Variants in CCDC7 observed in about 807,000 individuals in gnomAD.
CCDC7 encodes the protein coiled-coil domain-containing protein 7.
Under a neutral mutation model 196.9 loss-of-function variants are expected in CCDC7, and 183 were observed. The ratio of observed to expected loss-of-function variants is 0.93; its 90% confidence interval spans 0.82 to 1.05. The LOEUF is 1.05. CCDC7 is among the 50% of genes least tolerant of loss of function. The pLI is 0.00. For missense variants in CCDC7, 1,540 were observed against 1,482.2 expected, an observed-to-expected ratio of 1.04 and a Z score of -0.64; for synonymous variants, 525 against 484.6, an observed-to-expected ratio of 1.08 and a Z score of -1.10.
At chr10:32,820,268 C>A (rs1565607043) in intron 31 of CCDC7, among the ~76,000 whole-genome samples, 1 of 152,130 alleles carries the variant, frequency 6.6e-6, no homozygotes, top group Non-Finnish European at 1.5e-5. Flanking sequence ...ACAGGAAGGA[C>A]CTCTTCAAGG....
chr10:32,554,747 A>G (rs1463241402), intron 13 of CCDC7, among the ~76,000 whole-genome samples: 1 of 152,184 alleles, frequency 6.6e-6, no homozygotes, highest in Admixed American at 6.5e-5. Flanking sequence ...AAAATGTACA[A>G]TAAATGATTG....
Position 32,873,698 on chromosome 10 carries a change from C to T in CCDC7, c.4112-2649C>T, listed in dbSNP as rs988522811. 4.0e-4 allele frequency among the ~76,000 whole-genome samples: 61 copies of T among 152,018 alleles called. 1 individual carries two copies. Among genetic ancestry groups the T allele is most frequent in the Non-Finnish European group, 1.5e-4 (10 of 67,932 alleles). Reference sequence around the variant, plus strand: ...GATGCTGCTATGAACATTCATGTGACATTCTTTTTGTGGATATATATTTTC... The same window carrying T: ...GATGCTGCTATGAACATTCATGTGATATTCTTTTTGTGGATATATATTTTC... On this transcript the variant is annotated intron_variant, in intron 41 of 41. Coordinates refer to ENST00000639629, the Ensembl canonical transcript of CCDC7.
At chr10:32,869,032 C>A (rs375898625) in intron 41 of CCDC7, among the ~76,000 whole-genome samples, 1 of 151,978 alleles carries the variant, frequency 6.6e-6, no homozygotes, top group East Asian at 1.9e-4. Flanking sequence ...TAAACATACG[C>A]GTGCATGTGT....
intron 8 of CCDC7, among the ~76,000 whole-genome samples, chr10:32,475,208 T>C (rs2038748808): frequency 1.3e-5 from 2 of 152,096 alleles, no homozygotes; most frequent in Admixed American, 6.5e-5. Context: ...ACACTGAACT[T>C]TGTTTCCTAA....
At chr10:32,721,753 T>TTG (rs1176306539) in intron 25 of CCDC7, among the ~76,000 whole-genome samples, 1 of 152,142 alleles carries the variant, frequency 6.6e-6, no homozygotes, top group African/African-American at 2.4e-5. Context: ...GCTAGCTGTG[T>TTG]TGCTGCATGT....
At chr10:32,638,597 A>G (rs1200622927) in intron 20 of CCDC7, among the ~76,000 whole-genome samples, 4 of 152,198 alleles carry the variant, frequency 2.6e-5, no homozygotes, top group Non-Finnish European at 5.9e-5. Context: ...ATCATGGTGG[A>G]TAAGCTTTCT....
intron 5 of CCDC7, among the ~76,000 whole-genome samples, chr10:32,469,587 C>G (rs1184228830): frequency 6.6e-6 from 1 of 152,158 alleles, no homozygotes; most frequent in Non-Finnish European, 1.5e-5. Context: ...TGCTGGGAAG[C>G]TGTTCACAAG....
intron 20 of CCDC7, among the ~76,000 whole-genome samples, chr10:32,647,437 G>A (rs150289205): frequency 0.057 from 960 of 16,744 alleles, 10 homozygotes; most frequent in African/African-American, 0.094. Context: ...TGAGCCCTGG[G>A]GGGTAGAGGT....
chr10:32,494,673 G>A (rs2042642437), intron 9 of CCDC7, among the ~76,000 whole-genome samples: 1 of 152,132 alleles, frequency 6.6e-6, no homozygotes, highest in African/African-American at 2.4e-5. Context: ...GTGTTAGTTT[G>A]CTGAGAATGA....
chr10:32,485,773 G>T (rs1014394930), intron 8 of CCDC7, among the ~76,000 whole-genome samples: 2 of 152,186 alleles, frequency 1.3e-5, no homozygotes, highest in African/African-American at 4.8e-5. Context: ...TCATTCAGGA[G>T]CAGGTTGTTC....
chr10:32,513,091 G>A (rs1048121369), intron 9 of CCDC7: 3 of 151,598 alleles, frequency 2.0e-5, no homozygotes, highest in Non-Finnish European at 4.4e-5. Flanking sequence ...AGTACAATGT[G>A]CTCAAGAAAG....
intron 28 of CCDC7, among the ~76,000 whole-genome samples, chr10:32,756,747 T>C (rs1488186353): frequency 3.9e-5 from 6 of 152,162 alleles, no homozygotes; most frequent in Non-Finnish European, 8.8e-5. Context: ...AATTCACACA[T>C]AACAGTATTA....
At chr10:32,769,006 CAG>C (rs2078746673) in intron 28 of CCDC7, among the ~76,000 whole-genome samples, 1 of 152,028 alleles carries the variant, frequency 6.6e-6, no homozygotes, top group African/African-American at 2.4e-5. Flanking sequence ...GCTTTGGTAA[CAG>C]GGTGGCTTCG....
In CCDC7 at chr10:32,848,628, G is replaced by A. The variant is rs202101331; in HGVS notation, c.3805G>A (p.Val1269Ile). The A allele has an allele frequency of 1.3e-4, 201 of 1,510,754 alleles. 1 individual carries two copies. Among genetic ancestry groups the A allele is most frequent in the Middle Eastern group, 3.4e-4 (2 of 5,892 alleles). 93.6% of individuals were successfully genotyped at this position (1,510,754 alleles called of 1,614,324 possible). ...CTTATTTAAAAACAAAGATATGTCCGTACAACGTCAAGAAGGTATCTTTAC... is the reference window on the plus strand; with the variant it reads ...CTTATTTAAAAACAAAGATATGTCCATACAACGTCAAGAAGGTATCTTTAC... Residue 1269 changes from valine (V) to isoleucine (I), a missense_variant, in exon 39 of 42, where the codon GTA (valine) becomes ATA (isoleucine). Physicochemically the swap from Val to Ile is conservative, Grantham distance 29. Transcript: ENST00000639629.
At position 32,714,661 on chromosome 10, in the gene CCDC7, AG is replaced by A. The variant is rs1295017421; in HGVS notation, c.2569+2932del. The stretch of plus-strand genomic sequence containing the variant: ...AGATCCACTGGCTTGAAATTCTCGC[AG>A]CCAGCACAGCAGTCTGAAGTCAACC... On this transcript the variant is annotated intron_variant, in intron 25 of 41. Coordinates refer to ENST00000639629, the Ensembl canonical transcript of CCDC7. Among the ~76,000 whole-genome samples the A allele has an allele frequency of 9.2e-5, 14 of 152,326 alleles. No individual in the cohort carries two copies. In the East Asian group the frequency reaches 2.5e-3, roughly 27 times the overall value.
chr10:32,523,564 C>A (rs913063001), intron 11 of CCDC7, among the ~76,000 whole-genome samples: 46 of 148,180 alleles, frequency 3.1e-4, no homozygotes, highest in African/African-American at 1.2e-3. Flanking sequence ...AAAAAAAAAA[C>A]CGTAGGGTGT....
intron 29 of CCDC7, among the ~76,000 whole-genome samples, chr10:32,790,308 C>T (rs1040230658): frequency 6.6e-6 from 1 of 152,216 alleles, no homozygotes; most frequent in Non-Finnish European, 1.5e-5. Flanking sequence ...ATGACATTCT[C>T]TGAAATCTAG....
At chr10:32,684,418 G>T (rs2076227837) in intron 21 of CCDC7, among the ~76,000 whole-genome samples, 1 of 152,038 alleles carries the variant, frequency 6.6e-6, no homozygotes, top group African/African-American at 2.4e-5. Context: ...GTTTGCAAAG[G>T]TTCATGGCAG....
upstream of CCDC7, among the ~76,000 whole-genome samples, chr10:32,445,673 TCA>T (rs1412850334): frequency 6.6e-6 from 1 of 152,208 alleles, no homozygotes; most frequent in Non-Finnish European, 1.5e-5. Flanking sequence ...CACTTAAGTG[TCA>T]CAACTCTGCT....
Sources: allele counts gnomAD v4.1 joint callset (sites outside exome capture counted in the v4.1 genomes callset), GRCh38; gene constraint gnomAD v4.1.1; transcripts MANE v1.5; gene names NCBI Gene and HGNC (gene_info 2026-07-23, HGNC 2026-07-21).